The following LIFR variants were observed in gnomAD, a reference collection of about 807,000 sequenced individuals.
The protein encoded by LIFR is leukemia inhibitory factor receptor.
LIFR carries 84 observed loss-of-function variants against 122.2 expected under a neutral mutation model. The observed-to-expected ratio is 0.69, with a 90% CI of 0.58 to 0.82. The LOEUF is 0.82. Ranked by LOEUF, LIFR falls within the 40% of genes least tolerant of loss-of-function variation. The pLI is 0.00. For missense variants in LIFR, 1,294 were observed against 1,311.6 expected (o/e 0.99, Z 0.21); for synonymous variants, 422 against 434.7 (o/e 0.97, Z 0.36).
At chr5:38,569,037 G>T (rs920798938) in intron 1 of LIFR, among the ~76,000 whole-genome samples, 1 of 152,184 alleles carries the variant, frequency 6.6e-6, no homozygotes, top group African/African-American at 2.4e-5. Flanking sequence ...GACCTTGGCC[G>T]AAGGCCCTCT....
At chr5:38,505,541 G>A (rs1459801602) in intron 9 of LIFR, among the ~76,000 whole-genome samples, 4 of 152,084 alleles carry the variant, frequency 2.6e-5, no homozygotes, top group African/African-American at 9.6e-5. Flanking sequence ...TATTGTACTA[G>A]AATTATATAA....
chr5:38,537,327 G>A (rs1208213604), intron 1 of LIFR, among the ~76,000 whole-genome samples: 1 of 152,090 alleles, frequency 6.6e-6, no homozygotes, highest in African/African-American at 2.4e-5. Flanking sequence ...TGCCTCCAAT[G>A]GAGTGCCCCC....
intron 16 of LIFR, among the ~76,000 whole-genome samples, chr5:38,487,285 C>T (rs146642618): frequency 2.2e-4 from 34 of 152,304 alleles, no homozygotes; most frequent in Non-Finnish European, 3.4e-4. Context: ...CTCGCATGTA[C>T]AAAATATCTG....
intron 5 of LIFR, among the ~76,000 whole-genome samples, chr5:38,518,666 T>C (rs1000302123): frequency 6.6e-6 from 1 of 152,218 alleles, no homozygotes; most frequent in Non-Finnish European, 1.5e-5. Context: ...TAAATGACTA[T>C]GTTACTGGTG....
At chr5:38,600,842 C>T (rs1561236661) in intron 2 of LIFR, among the ~76,000 whole-genome samples, 1 of 152,064 alleles carries the variant, frequency 6.6e-6, no homozygotes, top group Non-Finnish European at 1.5e-5. Context: ...TCATTTTGGG[C>T]CTGATTCTCT....
intron 17 of LIFR, 23 bp downstream of exon 17, chr5:38,485,796 C>T (rs889228705): frequency 1.9e-6 from 3 of 1,613,662 alleles, no homozygotes; most frequent in Non-Finnish European, 1.7e-6. Flanking sequence ...TGGAAAGCAC[C>T]TCAACAGCAA....
rs1561154657 is a variant in LIFR, at chr5:38,506,091, AAAT to A, written c.1122-20_1122-18del. 1 of 1,522,764 alleles carries A rather than the reference AAAT, an allele frequency of 6.6e-7. No individual in the cohort carries two copies. The highest frequency in any genetic ancestry group is 1.2e-5 in the South Asian group (1 of 85,984). The allele number at this position is 1,522,764 out of a possible 1,614,324, so 94.3% of individuals were successfully genotyped here. A position where few individuals can be genotyped will look rare whatever the true frequency, so the allele number is the denominator to read the frequency against. Reference sequence around the variant, plus strand: ...CCTGAAAAACTGTTAATTAACAGAAAAATAATTTCAAAATGGCAAGAGATAAAT... The same window carrying A: ...CCTGAAAAACTGTTAATTAACAGAAAAATTTCAAAATGGCAAGAGATAAAT... On this transcript the variant is annotated intron_variant, in intron 8 of 19. Transcript: ENST00000453190.
intron 4 of LIFR, 60 bp from the exon 5 acceptor site, chr5:38,523,642 G>T (rs1580109319): frequency 7.9e-7 from 1 of 1,263,558 alleles, no homozygotes; most frequent in East Asian, 2.3e-5. Context: ...TTTTCATACT[G>T]TAACTCCACT....
At chr5:38,544,997 C>A (rs1747796540) in intron 1 of LIFR, among the ~76,000 whole-genome samples, 1 of 152,226 alleles carries the variant, frequency 6.6e-6, no homozygotes, top group Admixed American at 6.5e-5. Context: ...TGGCCAGGCA[C>A]AGTGGCTCAT....
chr5:38,528,654 A>G (rs372066530), intron 3 of LIFR, 72 bp downstream of exon 3: 3 of 897,824 alleles, frequency 3.3e-6, no homozygotes, highest in Non-Finnish European at 5.4e-6. Context: ...TTCACAAGCA[A>G]TAAGGTAAGA....
intron 1 of LIFR, among the ~76,000 whole-genome samples, chr5:38,568,321 C>T (rs1220877006): frequency 1.3e-5 from 2 of 152,050 alleles, no homozygotes; most frequent in African/African-American, 4.8e-5. Context: ...AATTTTTGAG[C>T]AGAGAGGGCT....
chr5:38,507,369 G>C (rs1417269482), intron 7 of LIFR, among the ~76,000 whole-genome samples: 3 of 151,740 alleles, frequency 2.0e-5, no homozygotes, highest in Non-Finnish European at 4.4e-5. Context: ...TTTGAGACCA[G>C]CCTGGCCAAC....
intron 2 of LIFR, among the ~76,000 whole-genome samples, chr5:38,603,055 G>A (rs370808385): frequency 4.6e-5 from 7 of 152,224 alleles, no homozygotes; most frequent in African/African-American, 1.7e-4. Flanking sequence ...GTGCACGCGG[G>A]CCGCCCACCC....
chr5:38,535,208 G>A (rs1747231001), intron 1 of LIFR, among the ~76,000 whole-genome samples: 1 of 152,140 alleles, frequency 6.6e-6, no homozygotes, highest in Admixed American at 6.5e-5. Context: ...CCATTCCACA[G>A]CTGCCAGACC....
intron 16 of LIFR, among the ~76,000 whole-genome samples, chr5:38,487,336 G>T (rs140158820): frequency 1.3e-5 from 2 of 152,162 alleles, no homozygotes; most frequent in African/African-American, 2.4e-5. Context: ...GTGGAGTATC[G>T]AATTTTAGGT....
At chr5:38,573,904 A>C (rs566067695) in intron 1 of LIFR, among the ~76,000 whole-genome samples, 1 of 152,142 alleles carries the variant, frequency 6.6e-6, no homozygotes, top group South Asian at 2.1e-4. Context: ...AGATCACTTG[A>C]GGCTGAGGCA....
intron 1 of LIFR, among the ~76,000 whole-genome samples, chr5:38,584,216 T>C (rs10041314): frequency 0.097 from 14,693 of 152,136 alleles, 2,386 homozygotes; most frequent in African/African-American, 0.33. Context: ...GGTGAGATGG[T>C]AGAGAAAAGA....
At position 38,545,716 on chromosome 5, in the gene LIFR, G is replaced by A. The variant is rs183211731; in HGVS notation, c.-20+10618C>T. Among the ~76,000 whole-genome samples, 894 of 151,616 alleles carry A rather than the reference G, an allele frequency of 5.9e-3. 3 individuals are homozygous for A. Among genetic ancestry groups the A allele is most frequent in the African/African-American group, 0.019 (802 of 41,366 alleles). On this transcript the variant is annotated intron_variant, in intron 1 of 19. Coordinates refer to ENST00000453190, the MANE Select transcript of LIFR (RefSeq NM_001127671.2). Reference sequence around the variant, plus strand: ...TGTCTACTAAAAATTCAAAAAATTCGCGGGGCATGGTGGCGGGCGCCTGTA... The same window carrying A: ...TGTCTACTAAAAATTCAAAAAATTCACGGGGCATGGTGGCGGGCGCCTGTA...
intron 7 of LIFR, among the ~76,000 whole-genome samples, chr5:38,510,127 T>C (rs893239282): frequency 2.6e-5 from 4 of 152,224 alleles, no homozygotes; most frequent in Non-Finnish European, 4.4e-5. Context: ...TGAATTCACA[T>C]AATTTCTAAA....
Sources: gnomAD v4.1 joint callset for allele counts (sites outside exome capture counted in the v4.1 genomes callset) on GRCh38, gnomAD v4.1.1 for gene constraint, MANE v1.5 for transcripts, NCBI Gene and HGNC (gene_info 2026-07-23, HGNC 2026-07-21) for gene names.